MDGA2: variants seen among roughly 807,000 people sequenced by gnomAD.
MDGA2 encodes MAM domain-containing glycosylphosphatidylinositol anchor protein 2.
Under a neutral mutation model 117.8 loss-of-function variants are expected in MDGA2, and 40 were observed. The observed-to-expected ratio is 0.34, with a 90% CI of 0.26 to 0.44. The LOEUF (loss-of-function observed/expected upper bound fraction) is 0.44. Ranked by LOEUF, MDGA2 falls within the 20% of genes least tolerant of loss-of-function variation. The probability of loss-of-function intolerance (pLI) is 1.00; values close to 1 mark genes in which losing one functional copy is unlikely to be tolerated. For synonymous variants in MDGA2, 452 were observed against 439.0 expected (o/e 1.03, Z -0.37); for missense variants, 1,123 against 1,250.6 (o/e 0.90, Z 1.54).
chr14:46,862,154 A>G (rs1782134746), intron 14 of MDGA2, among the ~76,000 whole-genome samples: 2 of 152,024 alleles, frequency 1.3e-5, no homozygotes, highest in Admixed American at 1.3e-4. Context: ...CTATAGTTCT[A>G]GAATATAAGT....
chr14:47,669,406 T>C (rs1312616924), intron 1 of MDGA2, among the ~76,000 whole-genome samples: 2 of 152,210 alleles, frequency 1.3e-5, no homozygotes, highest in Non-Finnish European at 2.9e-5. Flanking sequence ...CACTGACTTA[T>C]TCATTGTAAA....
chr14:46,959,128 G>C (rs1442101272), intron 8 of MDGA2, among the ~76,000 whole-genome samples: 1 of 151,684 alleles, frequency 6.6e-6, no homozygotes, highest in African/African-American at 2.4e-5. Flanking sequence ...CCTCCTTTTT[G>C]CTTTACCTGT....
At chr14:47,527,935 G>GA (rs1292860297) in intron 1 of MDGA2, among the ~76,000 whole-genome samples, 18 of 152,208 alleles carry the variant, frequency 1.2e-4, no homozygotes, top group African/African-American at 4.3e-4. Context: ...TAATGCTGGA[G>GA]AAACTTGAGC....
intron 1 of MDGA2, among the ~76,000 whole-genome samples, chr14:47,480,315 A>G (rs1375529605): frequency 6.6e-6 from 1 of 152,060 alleles, no homozygotes; most frequent in Non-Finnish European, 1.5e-5. Context: ...GGTATTTTAC[A>G]TAAGCATTGG....
At chr14:46,917,441 TATAATCTTCAATTTACAGGA>T (rs1409407453) in intron 10 of MDGA2, among the ~76,000 whole-genome samples, 1 of 152,136 alleles carries the variant, frequency 6.6e-6, no homozygotes, top group Non-Finnish European at 1.5e-5. Context: ...GCCTGACAGG[TATAATCTTCAATTTACAGGA>T]TTAAAAACCC....
At chr14:47,200,676 T>G in intron 3 of MDGA2, 1 of 1,079,378 alleles carries the variant, frequency 9.3e-7, no homozygotes, top group Non-Finnish European at 1.4e-6. Context: ...AGCTGTTTCT[T>G]CTTCCAGTAC....
intron 1 of MDGA2, among the ~76,000 whole-genome samples, chr14:47,656,676 A>G (rs1022329066): frequency 6.6e-6 from 1 of 152,214 alleles, no homozygotes; most frequent in Non-Finnish European, 1.5e-5. Flanking sequence ...GAGTGGGCAC[A>G]AAGTAGAGAG....
At chr14:47,539,333 G>C (rs891479961) in intron 1 of MDGA2, among the ~76,000 whole-genome samples, 2 of 152,150 alleles carry the variant, frequency 1.3e-5, no homozygotes, top group Non-Finnish European at 2.9e-5. Flanking sequence ...CCAGAACCAG[G>C]AAAAGAAACC....
At chr14:47,311,683 C>A (rs1207949254) in intron 1 of MDGA2, among the ~76,000 whole-genome samples, 1 of 151,298 alleles carries the variant, frequency 6.6e-6, no homozygotes, top group East Asian at 2.0e-4. Flanking sequence ...CTGTGTAATT[C>A]ATGTTATTTT....
At chr14:47,162,038 C>T (rs924061071) in intron 3 of MDGA2, among the ~76,000 whole-genome samples, 4 of 135,976 alleles carry the variant, frequency 2.9e-5, no homozygotes, top group African/African-American at 1.1e-4. Flanking sequence ...CTCCACCTCC[C>T]GGATTCAAGT....
intron 2 of MDGA2, among the ~76,000 whole-genome samples, chr14:47,221,858 T>C (rs911136190): frequency 6.6e-6 from 1 of 152,072 alleles, no homozygotes. Context: ...TGTATATATA[T>C]TTGGGGTACG....
At chr14:46,880,066 GC>G (rs754756546) in intron 11 of MDGA2, among the ~76,000 whole-genome samples, 1 of 152,050 alleles carries the variant, frequency 6.6e-6, no homozygotes, top group Non-Finnish European at 1.5e-5. Context: ...TGTGGCTCAT[GC>G]CCGTAATCCA....
At chr14:46,870,328 T>C (rs552188780) in intron 14 of MDGA2, among the ~76,000 whole-genome samples, 5 of 152,086 alleles carry the variant, frequency 3.3e-5, no homozygotes, top group African/African-American at 9.6e-5. Flanking sequence ...ATTAGGCTAT[T>C]AGAAATTCAG....
chr14:47,312,566 C>A (rs1005219178), intron 1 of MDGA2, among the ~76,000 whole-genome samples: 5 of 151,870 alleles, frequency 3.3e-5, no homozygotes, highest in African/African-American at 1.2e-4. Context: ...GCAGTGGCAC[C>A]ATCACAAATC....
At chr14:46,878,156 C>G (rs965735946) in intron 11 of MDGA2, among the ~76,000 whole-genome samples, 1 of 151,638 alleles carries the variant, frequency 6.6e-6, no homozygotes, top group Admixed American at 6.6e-5. Context: ...AATTTTTTTT[C>G]CCCTAAAACT....
At chr14:46,985,040 A>G (rs1886812876) in intron 8 of MDGA2, among the ~76,000 whole-genome samples, 1 of 152,046 alleles carries the variant, frequency 6.6e-6, no homozygotes, top group Non-Finnish European at 1.5e-5. Flanking sequence ...AGACAGCAGT[A>G]AAAGAAGAAT....
intron 5 of MDGA2, 144 bp from the exon 6 acceptor site, chr14:47,097,267 T>A: frequency 1.3e-6 from 1 of 767,540 alleles, no homozygotes; most frequent in Non-Finnish European, 2.1e-6. Context: ...TACTCAAATT[T>A]AAACAAGATT....
chr14:47,283,576 G>A (rs538811662), intron 2 of MDGA2, among the ~76,000 whole-genome samples: 2 of 152,076 alleles, frequency 1.3e-5, no homozygotes, highest in Admixed American at 1.3e-4. Flanking sequence ...CAGGTAAACT[G>A]TAAATAAAAT....
At chr14:47,606,643 T>C (rs1003039787) in intron 1 of MDGA2, among the ~76,000 whole-genome samples, 22 of 152,074 alleles carry the variant, frequency 1.4e-4, no homozygotes, top group Non-Finnish European at 2.9e-4. Context: ...AGATCCACCA[T>C]ATTACTTTGA....
Sources: gnomAD v4.1 joint callset for allele counts (sites outside exome capture counted in the v4.1 genomes callset) on GRCh38, gnomAD v4.1.1 for gene constraint, MANE v1.5 for transcripts, NCBI Gene and HGNC (gene_info 2026-07-23, HGNC 2026-07-21) for gene names.